The following DVL1 variants were observed in gnomAD, a reference collection of about 807,000 sequenced individuals.
DVL1 encodes dishevelled segment polarity protein 1.
DVL1 carries 49 observed loss-of-function variants against 65.0 expected under a neutral mutation model. The ratio of observed to expected loss-of-function variants is 0.75; its 90% confidence interval spans 0.60 to 0.96. The LOEUF is 0.96. Among genes scored for constraint, DVL1 ranks in the 40% least tolerant of loss-of-function variants. The pLI is 0.00. For missense variants in DVL1, 1,197 were observed against 1,045.4 expected, an observed-to-expected ratio of 1.15 and a Z score of -2.00; for synonymous variants, 608 against 433.9, an observed-to-expected ratio of 1.40 and a Z score of -4.99.
chr1:1,337,311 C>T (rs1308370164), intron 14 of DVL1, among the ~76,000 whole-genome samples: 1 of 152,184 alleles, frequency 6.6e-6, no homozygotes, highest in African/African-American at 2.4e-5. Flanking sequence ...CCTGCAGACG[C>T]CCCTGCTGGC....
At chr1:1,339,521 C>G (rs776213572) in intron 10 of DVL1, 61 bp downstream of exon 10, 282 of 1,554,916 alleles carry the variant, frequency 1.8e-4, no homozygotes, top group African/African-American at 2.9e-4. Context: ...AGGAGAGAGG[C>G]CTTCAGGCTA....
intron 11 of DVL1, 95 bp from the exon 12 acceptor site, chr1:1,338,748 C>T (rs912345080): frequency 6.0e-6 from 9 of 1,495,768 alleles, no homozygotes; most frequent in Admixed American, 2.2e-5. Flanking sequence ...GCAGAGCCTG[C>T]GCCAGGGCGC....
intron 1 of DVL1, among the ~76,000 whole-genome samples, chr1:1,343,266 C>A (rs868263545): frequency 3.3e-4 from 50 of 151,992 alleles, no homozygotes; most frequent in Non-Finnish European, 2.2e-4. Context: ...AGCCCCCCCC[C>A]CCCAGGGCTT....
At chr1:1,347,220 C>A (rs1195859717) in intron 1 of DVL1, among the ~76,000 whole-genome samples, 1 of 152,130 alleles carries the variant, frequency 6.6e-6, no homozygotes, top group East Asian at 1.9e-4. Context: ...ACCTCTGCAG[C>A]CCCACTGACT....
chr1:1,347,696 A>T (rs1024610897), intron 1 of DVL1, among the ~76,000 whole-genome samples: 2 of 152,232 alleles, frequency 1.3e-5, no homozygotes, highest in Admixed American at 1.3e-4. Context: ...AGGGACTGCA[A>T]GGTGCCCCAG....
chr1:1,341,204 TGCACACACGCACAC>T (rs1643810553), intron 5 of DVL1, among the ~76,000 whole-genome samples: 1 of 150,012 alleles, frequency 6.7e-6, no homozygotes, highest in South Asian at 2.1e-4. Flanking sequence ...CACGCACACC[TGCACACACGCACAC>T]GCACACATGC....
chr1:1,347,678 A>G (rs1230697149), intron 1 of DVL1, among the ~76,000 whole-genome samples: 1 of 152,256 alleles, frequency 6.6e-6, no homozygotes, highest in Non-Finnish European at 1.5e-5. Flanking sequence ...GCCCAGGCCC[A>G]GAGAAGCAGG....
At chr1:1,346,820 C>T (rs1643920965) in intron 1 of DVL1, among the ~76,000 whole-genome samples, 2 of 152,306 alleles carry the variant, frequency 1.3e-5, no homozygotes, top group South Asian at 2.1e-4. Context: ...CTTATGAAGG[C>T]CACCCCAGAC....
In DVL1 at chr1:1,338,596, A is replaced by G; in HGVS notation, c.1265T>C (p.Met422Thr). ...KSDMSAVVRV[M>T]QLPDSGLEIR... ...CTCCAGTCCCGAGTCTGGCAGCTGCATGACCCGGACGACGGCGCTCATGTC... is the reference window on the plus strand; with the variant it reads ...CTCCAGTCCCGAGTCTGGCAGCTGCGTGACCCGGACGACGGCGCTCATGTC... Residue 422 changes from methionine to threonine, a missense_variant, in exon 12 of 15, where the codon ATG (methionine) becomes ACG (threonine). Coordinates refer to ENST00000378888, the MANE Select transcript of DVL1 (RefSeq NM_001330311.2). 1 of 1,612,362 alleles carries G rather than the reference A, an allele frequency of 6.2e-7. No individual in the cohort carries two copies. The highest frequency in any genetic ancestry group is 8.5e-7 in the Non-Finnish European group (1 of 1,179,868).
At position 1,339,402 on chromosome 1, in the gene DVL1, C is replaced by G; in HGVS notation, c.1092G>C (p.Leu364=). The G allele has an allele frequency of 6.5e-7, 1 of 1,549,076 alleles. No homozygotes were observed. The highest frequency in any genetic ancestry group is 8.7e-7 in the Non-Finnish European group (1 of 1,146,704). ...CTCCTGTCAGTGCCGCCGTGTGGGACAGCCAGGCGGCGGGGTCGATGGGCC... is the reference window on the plus strand; with the variant it reads ...CTCCTGTCAGTGCCGCCGTGTGGGAGAGCCAGGCGGCGGGGTCGATGGGCC... The part of the protein sequence containing the change: ...PVRPIDPAAW[L]SHTAALTGAL... The change falls in exon 11 of 15, where the codon CTG becomes CTC. Residue 364 remains leucine (L), a synonymous_variant. Transcript: ENST00000378888.
rs551930213 is a variant in DVL1 at position 1,336,282 on chromosome 1, C to T, written c.1948G>A (p.Ala650Thr). ...GGTGGCCCCCCCACCACTGTATAGG[C>T]CTTGGTCGTGGGGTGGGGCGGGGGG... Reference protein sequence around the residue: ...GLPPPHPTTKAYTVVGGPPGG... With the variant: ...GLPPPHPTTKTYTVVGGPPGG... The change falls in exon 15 of 15, where the codon GCC becomes ACC. Residue 650 changes from alanine (A) to threonine (T), a missense_variant. Physicochemically the swap from Ala to Thr is moderately conservative, Grantham distance 58 (BLOSUM62 0). Coordinates refer to ENST00000378888, the MANE Select transcript of DVL1 (RefSeq NM_001330311.2). The T allele has an allele frequency of 1.2e-4, 192 of 1,564,110 alleles. 1 individual carries two copies. The South Asian group carries it at 1.4e-3, about 12-fold the overall frequency.
chr1:1,337,436 C>T (rs1178486681), intron 14 of DVL1, among the ~76,000 whole-genome samples: 1 of 152,208 alleles, frequency 6.6e-6, no homozygotes, highest in East Asian at 1.9e-4. Flanking sequence ...GGATGCACGG[C>T]ACCATCCACG....
At chr1:1,337,312 C>A (rs1277451771) in intron 14 of DVL1, among the ~76,000 whole-genome samples, 1 of 152,154 alleles carries the variant, frequency 6.6e-6, no homozygotes, top group Non-Finnish European at 1.5e-5. Flanking sequence ...CTGCAGACGC[C>A]CCTGCTGGCC....
rs754216305 is a variant in DVL1 at position 1,340,131 on chromosome 1, G to A, written c.816C>T (p.Asp272=). 1.2e-6 allele frequency: 2 copies of A among 1,613,582 alleles called. No homozygotes were observed. The highest frequency in any genetic ancestry group is 1.7e-5 in the Admixed American group (1 of 60,006). Residue 272 remains aspartate, a synonymous_variant, in exon 8 of 15, where the codon GAC becomes GAT. Coordinates refer to ENST00000378888, the MANE Select transcript of DVL1 (RefSeq NM_001330311.2). ...CAATGTAGATGCCGCCGTCTCCACGGTCGTTGCTCTGCCCCACGATGCTGA... is the reference window on the plus strand; with the variant it reads ...CAATGTAGATGCCGCCGTCTCCACGATCGTTGCTCTGCCCCACGATGCTGA... The part of the protein sequence containing the change: ...LGISIVGQSN[D]RGDGGIYIGS...
At chr1:1,341,967 G>A (rs1643847363) in intron 4 of DVL1, 86 bp downstream of exon 4, 3 of 1,457,186 alleles carry the variant, frequency 2.1e-6, no homozygotes, top group Non-Finnish European at 2.8e-6. Flanking sequence ...CTGGCTGGGG[G>A]ACAGGAACTG....
intron 13 of DVL1, 40 bp downstream of exon 13, chr1:1,338,229 T>TGGGCCCCCCCCCC: frequency 6.6e-7 from 1 of 1,522,358 alleles, no homozygotes; most frequent in Non-Finnish European, 9.0e-7. Flanking sequence ...CCTCCGGCGT[T>TGGGCCCCCCCCCC]CCCCTCCCCC....
At position 1,340,482 on chromosome 1, in the gene DVL1, C is replaced by G. The variant is rs752153261; in HGVS notation, c.627G>C (p.Gln209His). Residue 209 changes from glutamine to histidine, a missense_variant, in exon 6 of 15, where the codon CAG becomes CAC. Transcript: ENST00000378888. Reference protein sequence around the residue: ...STSRLSSSTEQSTSSRLIRKH... With the variant: ...STSRLSSSTEHSTSSRLIRKH... ...TCCGGATGAGTCTGGATGAGGTGCT[C>G]TGCTCCGTGGAGCTGCTGAGCCTGG... The G allele has an allele frequency of 6.2e-7, 1 of 1,608,806 alleles. No homozygotes were observed. Among genetic ancestry groups the G allele is most frequent in the Admixed American group, 1.7e-5 (1 of 58,984 alleles).
At chr1:1,339,262 G>A (rs973487321) in intron 11 of DVL1, 25 bp downstream of exon 11, 8 of 1,548,076 alleles carry the variant, frequency 5.2e-6, no homozygotes, top group Non-Finnish European at 6.1e-6. Context: ...GGTTTCTGCT[G>A]GGGCCCTCAG....
At position 1,340,432 on chromosome 1, in the gene DVL1, T is replaced by C. The variant is rs1243701981; in HGVS notation, c.677A>G (p.Gln226Arg). The C allele has an allele frequency of 6.2e-7, 1 of 1,612,634 alleles. No individual in the cohort carries two copies. Among genetic ancestry groups the C allele is most frequent in the South Asian group, 1.1e-5 (1 of 90,894 alleles). ...IRKHKRRRRK[Q>R]RLRQADRASS... ...TACCCGGTCCGCCTGCCGAAGGCGC[T>C]GCTTCCTCCGCCGGCGTTTGTGCTT... The change falls in exon 6 of 15, where the codon CAG (glutamine) becomes CGG (arginine). Residue 226 changes from glutamine (Q) to arginine (R), a missense_variant. Transcript: ENST00000378888.
Sources: gnomAD v4.1 joint callset for allele counts (sites outside exome capture counted in the v4.1 genomes callset) on GRCh38, gnomAD v4.1.1 for gene constraint, MANE v1.5 for transcripts, NCBI Gene and HGNC (gene_info 2026-07-23, HGNC 2026-07-21) for gene names.